SERPINB7: variants seen among roughly 807,000 people sequenced by gnomAD.
The protein encoded by SERPINB7 is serpin B7.
In SERPINB7, 31 loss-of-function variants were observed where a neutral mutation model predicts 37.4. That is an observed-to-expected ratio of 0.83 (90% CI 0.62 to 1.12). The LOEUF is 1.12. SERPINB7 is among the 50% of genes most tolerant of loss of function. SERPINB7 has a pLI of 0.00. For synonymous variants in SERPINB7, 163 were observed against 166.1 expected (o/e 0.98, Z 0.14); for missense variants, 521 against 455.3 (o/e 1.14, Z -1.31).
intron 1 of SERPINB7, among the ~76,000 whole-genome samples, chr18:63,761,703 T>C (rs1375079659): frequency 6.6e-6 from 1 of 152,200 alleles, no homozygotes; most frequent in Non-Finnish European, 1.5e-5. Flanking sequence ...CAAGATCTGA[T>C]GGATTTATCA....
upstream of SERPINB7, chr18:63,775,242 G>A (rs2049236377): frequency 6.6e-6 from 1 of 152,100 alleles, no homozygotes; most frequent in Admixed American, 6.6e-5. Flanking sequence ...AAACAGAGAT[G>A]GGAATATTGC....
At chr18:63,768,622 G>T (rs935543038) in intron 1 of SERPINB7, among the ~76,000 whole-genome samples, 9 of 152,090 alleles carry the variant, frequency 5.9e-5, no homozygotes, top group East Asian at 3.9e-4. Context: ...TCCTATTAAG[G>T]TTTTGAAAAG....
chr18:63,783,447 A>AG lies in SERPINB7; in HGVS notation c.168+909dup, dbSNP rs1249812665. Among the ~76,000 whole-genome samples the AG allele has an allele frequency of 2.0e-5, 3 of 152,106 alleles. No individual in the cohort carries two copies. In the East Asian group the frequency reaches 5.8e-4, roughly 29 times the overall value. ...ATACAGTTGAGATAGGAGAGTTAGA[A>AG]GGAGATTCCAATGACATCCCAGTTT... On this transcript the variant is annotated intron_variant, in intron 2 of 7. Coordinates refer to ENST00000398019, the MANE Select transcript of SERPINB7 (RefSeq NM_003784.4).
intron 1 of SERPINB7, 29 bp from the exon 2 acceptor site, chr18:63,782,326 A>G (rs745312452): frequency 2.3e-6 from 3 of 1,310,652 alleles, no homozygotes; most frequent in South Asian, 2.1e-5. Flanking sequence ...TGTACCGGGA[A>G]CTAATTTCAT....
Position 63,789,282 on chromosome 18 carries a change from A to T in SERPINB7, c.169-3111A>T, listed in dbSNP as rs1261077509. On this transcript the variant is annotated intron_variant, in intron 2 of 7. Transcript: ENST00000398019. ...CCTAAGTTCAAGCTGGCCACTGCTCATCTCTCTCTCCATCTTATACTGAGA... is the reference window on the plus strand; with the variant it reads ...CCTAAGTTCAAGCTGGCCACTGCTCTTCTCTCTCTCCATCTTATACTGAGA... Among the ~76,000 whole-genome samples, 4 of 152,254 alleles carry T rather than the reference A, an allele frequency of 2.6e-5. No homozygotes were observed. The South Asian group carries it at 8.3e-4, about 32-fold the overall frequency.
chr18:63,804,553 T>C lies in SERPINB7; in HGVS notation c.1061T>C (p.Leu354Pro). The C allele has an allele frequency of 6.2e-7, 1 of 1,613,842 alleles. No individual in the cohort carries two copies. The highest frequency in any genetic ancestry group is 2.2e-5 in the East Asian group (1 of 44,878). ...IVEKQLPQST[L>P]FRADHPFLFV... Reference sequence around the variant, plus strand: ...GAAAAGCAACTCCCTCAGTCCACGCTGTTTAGAGCTGACCACCCATTCCTA... The same window carrying C: ...GAAAAGCAACTCCCTCAGTCCACGCCGTTTAGAGCTGACCACCCATTCCTA... The change falls in exon 8 of 8, where the codon CTG becomes CCG. Residue 354 changes from leucine (L) to proline (P), a missense_variant. By Grantham distance (98) the Leu-to-Pro change is moderately conservative. Transcript: ENST00000398019.
chr18:63,792,066 T>C (rs892294539), intron 2 of SERPINB7, among the ~76,000 whole-genome samples: 1 of 152,230 alleles, frequency 6.6e-6, no homozygotes, highest in Non-Finnish European at 1.5e-5. Flanking sequence ...TATCCGTGTG[T>C]GGACTGACTA....
intron 1 of SERPINB7, among the ~76,000 whole-genome samples, chr18:63,781,874 A>G (rs1488506230): frequency 6.6e-6 from 1 of 152,232 alleles, no homozygotes; most frequent in Non-Finnish European, 1.5e-5. Flanking sequence ...AATAGAATGT[A>G]TGATTGTTCT....
At chr18:63,758,794 T>C (rs1357114794) in intron 1 of SERPINB7, among the ~76,000 whole-genome samples, 3 of 152,182 alleles carry the variant, frequency 2.0e-5, no homozygotes, top group Non-Finnish European at 4.4e-5. Flanking sequence ...ACTCTGAGAG[T>C]TATACTCTTT....
intron 1 of SERPINB7, among the ~76,000 whole-genome samples, chr18:63,777,380 T>G (rs183877276): frequency 1.8e-4 from 27 of 152,146 alleles, no homozygotes; most frequent in Admixed American, 1.8e-3. Context: ...TTATTCCAGG[T>G]GGGGCTCGGT....
At chr18:63,801,298 C>A (rs1368461629) in intron 7 of SERPINB7, among the ~76,000 whole-genome samples, 1 of 152,016 alleles carries the variant, frequency 6.6e-6, no homozygotes, top group Admixed American at 6.5e-5. Flanking sequence ...GAGTTTAGGC[C>A]TTTTTGGTGT....
At chr18:63,794,730 T>C (rs1251561725) in intron 4 of SERPINB7, among the ~76,000 whole-genome samples, 1 of 150,462 alleles carries the variant, frequency 6.6e-6, no homozygotes, top group Non-Finnish European at 1.5e-5. Context: ...AAAAAAAAAA[T>C]ACTCTTTGTG....
intron 6 of SERPINB7, among the ~76,000 whole-genome samples, chr18:63,800,616 A>C (rs1260388195): frequency 6.6e-6 from 1 of 152,202 alleles, no homozygotes; most frequent in African/African-American, 2.4e-5. Flanking sequence ...ATGGAGGAAC[A>C]GAGAGGAACA....
At chr18:63,786,230 A>G (rs1453057062) in intron 2 of SERPINB7, among the ~76,000 whole-genome samples, 8 of 137,960 alleles carry the variant, frequency 5.8e-5, no homozygotes, top group Admixed American at 2.3e-4. Flanking sequence ...ATATATATAT[A>G]TATACACACA....
At chr18:63,782,962 C>A (rs903888903) in intron 2 of SERPINB7, among the ~76,000 whole-genome samples, 3 of 151,716 alleles carry the variant, frequency 2.0e-5, no homozygotes, top group East Asian at 2.0e-4. Context: ...CACGGTGAAA[C>A]CCCGTCTCTA....
At chr18:63,789,003 T>C (rs2049399976) in intron 2 of SERPINB7, among the ~76,000 whole-genome samples, 2 of 152,176 alleles carry the variant, frequency 1.3e-5, no homozygotes, top group South Asian at 4.1e-4. Flanking sequence ...TGATGCATGA[T>C]TGTAATAAGT....
At position 63,792,373 on chromosome 18, in the gene SERPINB7, T is replaced by C. The variant is rs752224994; in HGVS notation, c.169-20T>C. 1 of 1,572,598 alleles carries C rather than the reference T, an allele frequency of 6.4e-7. No homozygotes were observed. The highest frequency in any genetic ancestry group is 1.1e-5 in the South Asian group (1 of 89,144). ...TAACCTCTGATTCTAATGATTGCTT[T>C]CCTTGTGCCCTGTTTACAGTTGCTT... On this transcript the variant is annotated intron_variant, in intron 2 of 7. Coordinates refer to ENST00000398019, the MANE Select transcript of SERPINB7 (RefSeq NM_003784.4).
At chr18:63,753,788 T>G (rs923015032) in intron 1 of SERPINB7, among the ~76,000 whole-genome samples, 6 of 152,192 alleles carry the variant, frequency 3.9e-5, no homozygotes, top group South Asian at 2.1e-4. Flanking sequence ...TTCAAAAAAA[T>G]TTTTTAGTAA....
At chr18:63,778,590 A>G (rs975447468) in intron 1 of SERPINB7, among the ~76,000 whole-genome samples, 4 of 152,170 alleles carry the variant, frequency 2.6e-5, no homozygotes, top group Non-Finnish European at 4.4e-5. Context: ...ATAAAATAGT[A>G]TCATAACTTT....
Sources: allele counts gnomAD v4.1 joint callset (sites outside exome capture counted in the v4.1 genomes callset), GRCh38; gene constraint gnomAD v4.1.1; transcripts MANE v1.5; gene names NCBI Gene and HGNC (gene_info 2026-07-23, HGNC 2026-07-21).